The following B3GALT1 variants were observed in gnomAD, a reference collection of about 807,000 sequenced individuals.
B3GALT1 encodes the protein UDP-Gal:betaGlcNAc beta 1,3-galactosyltransferase, polypeptide 1.
A neutral mutation model predicts 23.2 loss-of-function variants in B3GALT1; 10 were observed. The observed-to-expected ratio is 0.43, with a 90% CI of 0.27 to 0.73. The LOEUF is 0.73. Among genes scored for constraint, B3GALT1 ranks in the 30% least tolerant of loss-of-function variants. The probability of loss-of-function intolerance (pLI) is 0.21; values close to 1 mark genes in which losing one functional copy is unlikely to be tolerated. For missense variants in B3GALT1, 299 were observed against 405.4 expected (o/e 0.74, Z 2.25); for synonymous variants, 156 against 141.5 (o/e 1.10, Z -0.73).
chr2:167,537,799 C>A (rs1481523196), intron 2 of B3GALT1, among the ~76,000 whole-genome samples: 1 of 151,172 alleles, frequency 6.6e-6, no homozygotes, highest in Non-Finnish European at 1.5e-5. Flanking sequence ...TTCAAACATT[C>A]ATCTTTAAAT....
chr2:167,792,860 A>ATTTTT (rs371433634), intron 3 of B3GALT1, among the ~76,000 whole-genome samples: 1 of 144,348 alleles, frequency 6.9e-6, no homozygotes, highest in African/African-American at 2.6e-5. Flanking sequence ...GGGGAACAGA[A>ATTTTT]TTTTTTTTTT....
intron 2 of B3GALT1, among the ~76,000 whole-genome samples, chr2:167,593,492 A>C (rs975426312): frequency 2.0e-5 from 3 of 152,254 alleles, no homozygotes; most frequent in South Asian, 4.1e-4. Context: ...AACTCATAAC[A>C]GTGGTTACAG....
chr2:167,811,987 T>A (rs921798317), intron 3 of B3GALT1, among the ~76,000 whole-genome samples: 1 of 152,246 alleles, frequency 6.6e-6, no homozygotes, highest in African/African-American at 2.4e-5. Flanking sequence ...TGTGTACAGA[T>A]GTTGGACTAT....
At chr2:167,300,687 A>G (rs1353642770) in intron 1 of B3GALT1, among the ~76,000 whole-genome samples, 1 of 152,192 alleles carries the variant, frequency 6.6e-6, no homozygotes, top group African/African-American at 2.4e-5. Context: ...TGATTAATAT[A>G]TGGTTCTGGG....
chr2:167,650,690 A>G (rs1685847334), intron 3 of B3GALT1, among the ~76,000 whole-genome samples: 1 of 152,018 alleles, frequency 6.6e-6, no homozygotes, highest in Non-Finnish European at 1.5e-5. Flanking sequence ...TATTGACTCA[A>G]TCTCTTGTTA....
chr2:167,715,548 T>C lies in B3GALT1; in HGVS notation c.-352+68582T>C, dbSNP rs1332353497. ...TTTGACTCATCTTCTAGAGATTGTA[T>C]CCTTTTTGAAATATCTGCCATCAGT... On this transcript the variant is annotated intron_variant, in intron 3 of 4. Transcript: ENST00000392690. 8.1e-6 allele frequency: 13 copies of C among 1,613,698 alleles called. No homozygotes were observed. The Middle Eastern group carries it at 4.9e-4, about 61-fold the overall frequency.
intron 2 of B3GALT1, among the ~76,000 whole-genome samples, chr2:167,642,491 C>T (rs762952439): frequency 1.3e-5 from 2 of 152,178 alleles, no homozygotes; most frequent in Admixed American, 6.5e-5. Context: ...GAAAAATCAT[C>T]TCAAACTTGT....
chr2:167,350,925 C>A (rs1697299053), intron 1 of B3GALT1, among the ~76,000 whole-genome samples: 1 of 152,176 alleles, frequency 6.6e-6, no homozygotes, highest in Non-Finnish European at 1.5e-5. Context: ...ACCTTGGCTG[C>A]ATGCATATGT....
chr2:167,867,178 G>A (rs991608642), intron 4 of B3GALT1, among the ~76,000 whole-genome samples: 2 of 152,086 alleles, frequency 1.3e-5, no homozygotes, highest in African/African-American at 4.8e-5. Flanking sequence ...CGCCCCCCTT[G>A]GCCTCCCAAA....
intron 1 of B3GALT1, among the ~76,000 whole-genome samples, chr2:167,416,022 ACT>A (rs764509769): frequency 2.0e-5 from 3 of 152,070 alleles, no homozygotes; most frequent in Non-Finnish European, 4.4e-5. Context: ...GATTTGGAAA[ACT>A]CTCGGCCTGG....
intron 3 of B3GALT1, among the ~76,000 whole-genome samples, chr2:167,764,764 C>T (rs1246838124): frequency 2.0e-5 from 3 of 152,110 alleles, no homozygotes; most frequent in Admixed American, 6.5e-5. Context: ...GATTGCTTTC[C>T]TTCGGCCACA....
intron 3 of B3GALT1, among the ~76,000 whole-genome samples, chr2:167,654,816 C>G (rs1272571645): frequency 1.4e-5 from 2 of 146,380 alleles, no homozygotes; most frequent in African/African-American, 5.0e-5. Context: ...TTTTTTTTTT[C>G]CACTTAACTT....
In B3GALT1 at chr2:167,351,278, A is replaced by C. The variant is rs1039851558; in HGVS notation, c.-511+57944A>C. Among the ~76,000 whole-genome samples the C allele has an allele frequency of 3.6e-3, 554 of 152,028 alleles. 2 individuals are homozygous for C. The highest frequency in any genetic ancestry group is 0.012 in the African/African-American group (510 of 41,460). ...AGTGAGACTCCGTCTCAAAAAAAAA[A>C]AAAAACGAAAACAAAAAAAACCACA... On this transcript the variant is annotated intron_variant, in intron 1 of 4. Coordinates refer to ENST00000392690, the MANE Select transcript of B3GALT1 (RefSeq NM_020981.4).
chr2:167,627,891 A>G (rs939629442), intron 2 of B3GALT1, among the ~76,000 whole-genome samples: 6 of 151,650 alleles, frequency 4.0e-5, no homozygotes, highest in African/African-American at 1.5e-4. Flanking sequence ...TATATGACAC[A>G]TGCTAATAGG....
chr2:167,443,222 C>T (rs1204117517), intron 1 of B3GALT1, among the ~76,000 whole-genome samples: 3 of 151,886 alleles, frequency 2.0e-5, no homozygotes, highest in African/African-American at 7.3e-5. Flanking sequence ...CTGTTCTGTT[C>T]CATTGATCTA....
At position 167,332,064 on chromosome 2, in the gene B3GALT1, G is replaced by A. The variant is rs74967684; in HGVS notation, c.-511+38730G>A. ...GCTTCTGCCCTAGACTTGGGGGCTT[G>A]TGAGACCCAGTGTGAACTCTCTCTC... is the stretch of plus-strand genomic sequence containing the variant. On this transcript the variant is annotated intron_variant, in intron 1 of 4. Coordinates refer to ENST00000392690, the MANE Select transcript of B3GALT1 (RefSeq NM_020981.4). Among the ~76,000 whole-genome samples the A allele has an allele frequency of 1.7e-3, 253 of 152,288 alleles. 11 individuals are homozygous for A. In the East Asian group the frequency reaches 0.046, roughly 28 times the overall value.
At chr2:167,459,521 A>G (rs1286777361) in intron 1 of B3GALT1, among the ~76,000 whole-genome samples, 1 of 152,186 alleles carries the variant, frequency 6.6e-6, no homozygotes, top group African/African-American at 2.4e-5. Flanking sequence ...AAATATGTAG[A>G]AAACAAAATG....
chr2:167,700,208 C>T (rs908413584), intron 3 of B3GALT1, among the ~76,000 whole-genome samples: 1 of 152,084 alleles, frequency 6.6e-6, no homozygotes, highest in Non-Finnish European at 1.5e-5. Context: ...TGATTCACTG[C>T]ACTCGAACCT....
At chr2:167,396,562 GTGTT>G (rs1698101715) in intron 1 of B3GALT1, among the ~76,000 whole-genome samples, 1 of 132,408 alleles carries the variant, frequency 7.6e-6, no homozygotes, top group African/African-American at 2.6e-5. Flanking sequence ...GTGTGTGTGT[GTGTT>G]TAATTTTAAA....
Sources: gnomAD v4.1 joint callset for allele counts (sites outside exome capture counted in the v4.1 genomes callset) on GRCh38, gnomAD v4.1.1 for gene constraint, MANE v1.5 for transcripts, NCBI Gene and HGNC (gene_info 2026-07-23, HGNC 2026-07-21) for gene names.